Variants in IGSF10 observed in about 807,000 individuals in gnomAD.
IGSF10 encodes the protein immunoglobulin superfamily member 10.
A neutral mutation model predicts 128.2 loss-of-function variants in IGSF10; 126 were observed. The observed-to-expected ratio is 0.98, with a 90% CI of 0.85 to 1.14. The LOEUF is 1.14. Among genes scored for constraint, IGSF10 ranks in the 50% most tolerant of loss-of-function variants. IGSF10 has a pLI of 0.00. For missense variants in IGSF10, 3,295 were observed against 3,149.8 expected (o/e 1.05, Z -1.10); for synonymous variants, 1,185 against 1,146.2 (o/e 1.03, Z -0.68).
chr3:151,526,127 A>C, the IGSF10 span, among the ~76,000 whole-genome samples: 1 of 152,190 alleles, frequency 6.6e-6, no homozygotes, highest in Non-Finnish European at 1.5e-5. Flanking sequence ...TCTGGCTAAC[A>C]TTTGGCAGAA....
chr3:151,479,457 A>G, the IGSF10 span, among the ~76,000 whole-genome samples: 16 of 152,218 alleles, frequency 1.1e-4, no homozygotes, highest in Non-Finnish European at 4.4e-5. Flanking sequence ...TTTTAGGTTT[A>G]ATATTTCTTT....
chr3:151,554,132 TCACACACACA>T, the IGSF10 span, among the ~76,000 whole-genome samples: 400 of 147,438 alleles, frequency 2.7e-3, no homozygotes, highest in African/African-American at 9.6e-3. Flanking sequence ...CAGAGTGAGA[TCACACACACA>T]CACACACACA....
At chr3:151,577,782 A>G in the IGSF10 span, among the ~76,000 whole-genome samples, 4 of 152,162 alleles carry the variant, frequency 2.6e-5, no homozygotes, top group African/African-American at 2.4e-5. Context: ...TAATAAGGGC[A>G]ACAAACTACC....
chr3:151,585,904 C>G, the IGSF10 span, among the ~76,000 whole-genome samples: 1 of 151,872 alleles, frequency 6.6e-6, no homozygotes, highest in Non-Finnish European at 1.5e-5. Flanking sequence ...GAATTACAAG[C>G]ATTTTAGAGA....
chr3:151,601,629 A>G, the IGSF10 span, among the ~76,000 whole-genome samples: 2 of 152,198 alleles, frequency 1.3e-5, no homozygotes, highest in Non-Finnish European at 2.9e-5. Flanking sequence ...GGTTTAAAAC[A>G]TAGGCTAAAA....
chr3:151,587,104 A>G, the IGSF10 span, among the ~76,000 whole-genome samples: 1 of 152,128 alleles, frequency 6.6e-6, no homozygotes, highest in Non-Finnish European at 1.5e-5. Flanking sequence ...TTGGAACAAA[A>G]AAAAACCTCA....
At chr3:151,541,761 C>A in the IGSF10 span, among the ~76,000 whole-genome samples, 1,083 of 152,228 alleles carry the variant, frequency 7.1e-3, 6 homozygotes, top group African/African-American at 0.025. Flanking sequence ...TACATAAATA[C>A]ATATACATAC....
rs1156263291 is a variant in IGSF10 at position 151,445,986 on chromosome 3, T to A, written c.3995A>T (p.Tyr1332Phe). 2.5e-6 allele frequency: 4 copies of A among 1,614,098 alleles called. No individual in the cohort carries two copies. Among genetic ancestry groups the A allele is most frequent in the Middle Eastern group, 1.6e-4 (1 of 6,084 alleles). The change falls in exon 6 of 8, where the codon TAT (tyrosine) becomes TTT (phenylalanine). Residue 1332 changes from tyrosine to phenylalanine, a missense_variant. By Grantham distance (22) the Tyr-to-Phe change is conservative. Coordinates refer to ENST00000282466, the MANE Select transcript of IGSF10 (RefSeq NM_178822.5). ...TPTFPASVIT[Y>F]ETQTERSRAQ... Reference sequence around the variant, plus strand: ...TCTAGATCTCTCTGTTTGGGTTTCATAAGTGATGACAGATGCAGGGAAGGT... The same window carrying A: ...TCTAGATCTCTCTGTTTGGGTTTCAAAAGTGATGACAGATGCAGGGAAGGT...
chr3:151,553,970 C>CAA, the IGSF10 span, among the ~76,000 whole-genome samples: 5 of 83,340 alleles, frequency 6.0e-5, no homozygotes, highest in East Asian at 6.5e-4. Flanking sequence ...ACAATAACAA[C>CAA]AACAAAAAAA....
At chr3:151,439,848 G>A (rs1362369366) in intron 7 of IGSF10, among the ~76,000 whole-genome samples, 1 of 152,140 alleles carries the variant, frequency 6.6e-6, no homozygotes, top group African/African-American at 2.4e-5. Context: ...TTAGACCAGT[G>A]GAGACTCAAC....
the IGSF10 span, among the ~76,000 whole-genome samples, chr3:151,467,613 G>C: frequency 1.3e-5 from 2 of 152,014 alleles, no homozygotes; most frequent in Non-Finnish European, 2.9e-5. Context: ...AGCCGGGCGC[G>C]GTGGCTCACG....
chr3:151,594,697 G>A, the IGSF10 span, among the ~76,000 whole-genome samples: 2 of 147,802 alleles, frequency 1.4e-5, no homozygotes, highest in Non-Finnish European at 3.0e-5. Flanking sequence ...TACCAAATTT[G>A]AGTTTTAGTA....
chr3:151,440,084 G>T (rs1015044804), intron 7 of IGSF10, among the ~76,000 whole-genome samples: 1 of 152,210 alleles, frequency 6.6e-6, no homozygotes, highest in African/African-American at 2.4e-5. Context: ...AGGCTAGAGT[G>T]CAGTGGTGAG....
chr3:151,445,554 G>A lies in IGSF10; in HGVS notation c.4427C>T (p.Pro1476Leu). ...TCTCTGAGTAAAGGGAGGGGAGATGGGAACTGGCATTAGAGTAGCACTGCT... is the reference window on the plus strand; with the variant it reads ...TCTCTGAGTAAAGGGAGGGGAGATGAGAACTGGCATTAGAGTAGCACTGCT... ...LSSSATLMPV[P>L]ISPPFTQRAV... The change falls in exon 6 of 8, where the codon CCC becomes CTC. Residue 1476 changes from proline (P) to leucine (L), a missense_variant. By Grantham distance (98) the Pro-to-Leu change is moderately conservative. Transcript: ENST00000282466. 1 of 1,614,180 alleles carries A rather than the reference G, an allele frequency of 6.2e-7. No homozygotes were observed. Among genetic ancestry groups the A allele is most frequent in the South Asian group, 1.1e-5 (1 of 91,082 alleles).
chr3:151,584,182 T>C, the IGSF10 span, among the ~76,000 whole-genome samples: 1 of 152,210 alleles, frequency 6.6e-6, no homozygotes, highest in East Asian at 1.9e-4. Flanking sequence ...GGATTGATCC[T>C]TTTATTATTA....
the IGSF10 span, among the ~76,000 whole-genome samples, chr3:151,618,332 G>C: frequency 1.3e-5 from 2 of 152,278 alleles, no homozygotes; most frequent in Admixed American, 1.3e-4. Flanking sequence ...TGTTATATTT[G>C]TTACAGCCAC....
chr3:151,587,109 A>T, the IGSF10 span, among the ~76,000 whole-genome samples: 1 of 152,162 alleles, frequency 6.6e-6, no homozygotes, highest in Non-Finnish European at 1.5e-5. Context: ...ACAAAAAAAA[A>T]CCTCACAACT....
chr3:151,511,319 T>C, the IGSF10 span, among the ~76,000 whole-genome samples: 2 of 152,158 alleles, frequency 1.3e-5, no homozygotes, highest in Non-Finnish European at 2.9e-5. Context: ...TTCAACATTC[T>C]TAAAGAAAAG....
chr3:151,501,198 C>A, the IGSF10 span, among the ~76,000 whole-genome samples: 1 of 151,968 alleles, frequency 6.6e-6, no homozygotes, highest in African/African-American at 2.4e-5. Flanking sequence ...AGTTTGAGGA[C>A]TTTTTATTTT....
Sources: allele counts gnomAD v4.1 joint callset (sites outside exome capture counted in the v4.1 genomes callset), GRCh38; gene constraint gnomAD v4.1.1; transcripts MANE v1.5; gene names NCBI Gene and HGNC (gene_info 2026-07-23, HGNC 2026-07-21).